ASIC2: variants seen among roughly 807,000 people sequenced by gnomAD.
The protein encoded by ASIC2 is acid sensing ion channel subunit 2, also known as acid-sensing ion channel 2.
ASIC2 carries 25 observed loss-of-function variants against 57.3 expected under a neutral mutation model. That is an observed-to-expected ratio of 0.44 (90% confidence interval 0.32 to 0.61). ASIC2 has a LOEUF of 0.61. Among genes scored for constraint, ASIC2 ranks in the 20% least tolerant of loss-of-function variants. The pLI is 0.06. For synonymous variants in ASIC2, 319 were observed against 307.5 expected, an observed-to-expected ratio of 1.04 and a Z score of -0.39; for missense variants, 641 against 738.1, an observed-to-expected ratio of 0.87 and a Z score of 1.52.
chr17:33,235,235 T>G (rs1263680620), intron 1 of ASIC2, among the ~76,000 whole-genome samples: 1 of 152,180 alleles, frequency 6.6e-6, no homozygotes, highest in Admixed American at 6.5e-5. Flanking sequence ...TAGGTCAGTG[T>G]GCACCTTCTC....
At chr17:33,568,355 A>G (rs1328962611) in intron 1 of ASIC2, among the ~76,000 whole-genome samples, 1 of 152,238 alleles carries the variant, frequency 6.6e-6, no homozygotes, top group Non-Finnish European at 1.5e-5. Context: ...AAGCATTTTT[A>G]TATATCCGCT....
intron 1 of ASIC2, among the ~76,000 whole-genome samples, chr17:34,152,228 T>C (rs1904554751): frequency 6.6e-6 from 1 of 152,196 alleles, no homozygotes; most frequent in African/African-American, 2.4e-5. Flanking sequence ...GAAATGTATT[T>C]CCTAAGAAAT....
chr17:33,064,322 G>A (rs2092033910), intron 3 of ASIC2, among the ~76,000 whole-genome samples: 1 of 152,112 alleles, frequency 6.6e-6, no homozygotes, highest in Admixed American at 6.5e-5. Flanking sequence ...TGATGGTGAC[G>A]TACAGATGGG....
chr17:33,712,671 A>T (rs1909083087), intron 1 of ASIC2, among the ~76,000 whole-genome samples: 1 of 92,062 alleles, frequency 1.1e-5, no homozygotes, highest in Non-Finnish European at 1.9e-5. Context: ...TTTGAGACGG[A>T]GTCTTGCTCT....
chr17:33,633,605 T>A (rs1299738092), intron 1 of ASIC2, among the ~76,000 whole-genome samples: 1 of 152,188 alleles, frequency 6.6e-6, no homozygotes, highest in African/African-American at 2.4e-5. Context: ...CCAATTAGCA[T>A]AAGGCAGTAT....
chr17:33,716,370 C>T (rs1440104655), intron 1 of ASIC2, among the ~76,000 whole-genome samples: 1 of 152,244 alleles, frequency 6.6e-6, no homozygotes, highest in African/African-American at 2.4e-5. Flanking sequence ...ACCTCTATCA[C>T]TGTGTTCCAT....
intron 1 of ASIC2, among the ~76,000 whole-genome samples, chr17:33,970,314 G>C (rs916839430): frequency 6.6e-6 from 1 of 152,128 alleles, no homozygotes; most frequent in Admixed American, 6.5e-5. Flanking sequence ...TCGAAGCCCA[G>C]GCAGCACCCC....
At chr17:33,311,022 C>T (rs1336602350) in intron 1 of ASIC2, among the ~76,000 whole-genome samples, 1 of 152,158 alleles carries the variant, frequency 6.6e-6, no homozygotes, top group Non-Finnish European at 1.5e-5. Flanking sequence ...GCCAGAGCCC[C>T]TCTGGGTTCA....
At chr17:34,053,135 G>GA (rs1023836326) in intron 1 of ASIC2, among the ~76,000 whole-genome samples, 8 of 151,616 alleles carry the variant, frequency 5.3e-5, no homozygotes, top group Non-Finnish European at 7.4e-5. Context: ...CAACCCCTAA[G>GA]AAAAAAAACA....
chr17:33,739,054 G>C (rs964538), intron 1 of ASIC2, among the ~76,000 whole-genome samples: 53,229 of 152,174 alleles, frequency 0.35, 11,336 homozygotes, highest in Non-Finnish European at 0.49. Context: ...AAAGCTGTAA[G>C]GTTGACAAAA....
intron 1 of ASIC2, among the ~76,000 whole-genome samples, chr17:33,671,098 A>C (rs941078960): frequency 7.9e-5 from 12 of 152,144 alleles, no homozygotes; most frequent in Non-Finnish European, 1.5e-4. Flanking sequence ...CAGCTCCTTT[A>C]TCAATTACTC....
intron 1 of ASIC2, among the ~76,000 whole-genome samples, chr17:33,551,887 G>C (rs1278052324): frequency 6.6e-6 from 1 of 152,128 alleles, no homozygotes; most frequent in East Asian, 1.9e-4. Flanking sequence ...CAAACCAGCT[G>C]CCACCAAGCT....
rs1274058738 is a variant in ASIC2 at position 33,724,074 on chromosome 17, C to T, written c.555+431904G>A. Among the ~76,000 whole-genome samples, 7 of 152,002 alleles carry T rather than the reference C, an allele frequency of 4.6e-5. No homozygotes were observed. In the South Asian group the frequency reaches 8.3e-4, roughly 18 times the overall value. ...TTGAATCATGGGGGTGGGTCTTTCC[C>T]GTGCTGTTCTCATGATAGTGAATAA... On this transcript the variant is annotated intron_variant, in intron 1 of 9. Transcript: ENST00000359872.
intron 1 of ASIC2, among the ~76,000 whole-genome samples, chr17:33,714,457 T>C (rs538705763): frequency 1.3e-5 from 2 of 152,276 alleles, no homozygotes; most frequent in Admixed American, 1.3e-4. Context: ...TGCATAAAAA[T>C]AGATCTTGAA....
intron 1 of ASIC2, among the ~76,000 whole-genome samples, chr17:33,178,766 G>T (rs1322719266): frequency 1.3e-5 from 2 of 152,184 alleles, no homozygotes; most frequent in African/African-American, 4.8e-5. Context: ...ACAGAGGAGG[G>T]CCCCATGCAG....
chr17:34,101,651 T>C (rs1184410994), intron 1 of ASIC2, among the ~76,000 whole-genome samples: 6 of 152,248 alleles, frequency 3.9e-5, no homozygotes, highest in African/African-American at 9.6e-5. Context: ...CCGGTGTTTA[T>C]GATTTCCATG....
At chr17:34,070,070 G>A (rs569696194) in intron 1 of ASIC2, 2 of 152,236 alleles carry the variant, frequency 1.3e-5, no homozygotes, top group African/African-American at 2.4e-5. Flanking sequence ...TCTGATACCT[G>A]ACACCTGTAT....
chr17:34,128,174 A>G (rs144797691), intron 1 of ASIC2, among the ~76,000 whole-genome samples: 1 of 152,332 alleles, frequency 6.6e-6, no homozygotes, highest in Non-Finnish European at 1.5e-5. Context: ...GGCCCAGGTC[A>G]TGGGTGTGAA....
chr17:33,915,652 C>T (rs1480503086), intron 1 of ASIC2, among the ~76,000 whole-genome samples: 1 of 152,190 alleles, frequency 6.6e-6, no homozygotes, highest in African/African-American at 2.4e-5. Context: ...ACCAGTCTCC[C>T]GAAGTGCTTT....
Sources: allele counts gnomAD v4.1 joint callset (sites outside exome capture counted in the v4.1 genomes callset), GRCh38; gene constraint gnomAD v4.1.1; transcripts MANE v1.5; gene names NCBI Gene and HGNC (gene_info 2026-07-23, HGNC 2026-07-21).